Variants in SARS1 observed in about 807,000 individuals in gnomAD.
The protein encoded by SARS1 is serine--tRNA ligase, cytoplasmic.
A neutral mutation model predicts 63.7 loss-of-function variants in SARS1; 25 were observed. The ratio of observed to expected loss-of-function variants is 0.39; its 90% CI spans 0.29 to 0.55. The LOEUF (loss-of-function observed/expected upper bound fraction) is 0.55, where lower values mean the gene tolerates loss of function less well. Ranked by LOEUF, SARS1 falls within the 20% of genes least tolerant of loss-of-function variation. SARS1 has a pLI of 0.62. For missense variants in SARS1, 417 were observed against 649.7 expected, an observed-to-expected ratio of 0.64 and a Z score of 3.89; for synonymous variants, 231 against 243.5, an observed-to-expected ratio of 0.95 and a Z score of 0.48.
At chr1:109,228,252 T>G in intron 2 of SARS1, 100 bp from the exon 3 acceptor site, 1 of 876,284 alleles carries the variant, frequency 1.1e-6, no homozygotes, top group Non-Finnish European at 1.7e-6. Flanking sequence ...AGAAGTTCTG[T>G]GATTCATTTA....
chr1:109,224,515 T>C (rs1008362779), intron 2 of SARS1, among the ~76,000 whole-genome samples: 9 of 152,192 alleles, frequency 5.9e-5, no homozygotes, highest in African/African-American at 7.2e-5. Context: ...CAGAATGGAA[T>C]TGTTAGAACT....
intron 3 of SARS1, 36 bp downstream of exon 3, chr1:109,228,468 C>A: frequency 7.0e-7 from 1 of 1,425,076 alleles, no homozygotes; most frequent in Non-Finnish European, 9.9e-7. Context: ...AGGATCTCTG[C>A]TATTTTGTCT....
In SARS1 at chr1:109,231,611, CTG is replaced by C; in HGVS notation, c.592-16_592-15del. 1.4e-6 allele frequency: 2 copies of C among 1,469,770 alleles called. No individual in the cohort carries two copies. The highest frequency in any genetic ancestry group is 9.0e-7 in the Non-Finnish European group (1 of 1,110,734). 91.0% of individuals were successfully genotyped at this position (1,469,770 alleles called of 1,614,324 possible). ...GGTGACAAGACCCAATCACATAGTA[CTG>C]TGTCTCTGCTCCTCTAGGGGGTCCT... On this transcript the variant is annotated intron_variant, in intron 5 of 10. Coordinates refer to ENST00000234677, the MANE Select transcript of SARS1 (RefSeq NM_006513.4).
At position 109,236,052 on chromosome 1, in the gene SARS1, G is replaced by A; in HGVS notation, c.1045G>A (p.Glu349Lys). The A allele has an allele frequency of 1.2e-6, 2 of 1,614,078 alleles. No individual in the cohort carries two copies. Among genetic ancestry groups the A allele is most frequent in the South Asian group, 1.1e-5 (1 of 91,076 alleles). Residue 349 changes from glutamate to lysine, a missense_variant, in exon 8 of 11, where the codon GAG (glutamate) becomes AAG (lysine). By Grantham distance (56) the Glu-to-Lys change is moderately conservative. Transcript: ENST00000234677. Reference sequence around the variant, plus strand: ...GTTTGAAGAGATGATTACCACCGCAGAGGAGTTCTACCAGTCCCTGGGGAT... The same window carrying A: ...GTTTGAAGAGATGATTACCACCGCAAAGGAGTTCTACCAGTCCCTGGGGAT... ...EMFEEMITTA[E>K]EFYQSLGIPY...
At position 109,236,436 on chromosome 1, in the gene SARS1, G is replaced by A; in HGVS notation, c.1145G>A (p.Trp382Ter). 6.2e-7 allele frequency: 1 copy of A among 1,600,416 alleles called. No individual in the cohort carries two copies. Among genetic ancestry groups the A allele is most frequent in the Non-Finnish European group, 8.6e-7 (1 of 1,168,378 alleles). Residue 382 changes from tryptophan to a stop codon, truncating the protein, a stop_gained, in exon 9 of 11, where the codon TGG (tryptophan) becomes TAG (stop). Transcript: ENST00000234677. LOFTEE classifies it high-confidence loss of function. ...AGTAAGAAGCTTGACCTGGAGGCCT[G>A]GTTTCCGGGCTCAGGAGCCTTCCGT... is the stretch of plus-strand genomic sequence containing the variant. The part of the protein sequence containing the change: ...AASKKLDLEA[W>*]FPGSGAFREL...
At chr1:109,226,063 G>A (rs1557716654) in intron 2 of SARS1, among the ~76,000 whole-genome samples, 1 of 151,800 alleles carries the variant, frequency 6.6e-6, no homozygotes, top group Non-Finnish European at 1.5e-5. Flanking sequence ...CACAATCATG[G>A]CTCACTGCAG....
chr1:109,224,457 C>T (rs1328351988), intron 2 of SARS1, among the ~76,000 whole-genome samples: 1 of 152,178 alleles, frequency 6.6e-6, no homozygotes, highest in Non-Finnish European at 1.5e-5. Flanking sequence ...GTTAATGCCT[C>T]AGCCTCAGTT....
chr1:109,235,496 T>G lies in SARS1; in HGVS notation c.969+65T>G. The G allele has an allele frequency of 2.3e-6, 3 of 1,329,900 alleles. No homozygotes were observed. The South Asian group carries it at 3.7e-5, about 17-fold the overall frequency. The allele number at this position is 1,329,900 out of a possible 1,614,324, so 82.4% of individuals were successfully genotyped here. A position where few individuals can be genotyped will look rare whatever the true frequency, so the allele number is the denominator to read the frequency against. Reference sequence around the variant, plus strand: ...GTCTCCAGAATGGTTAGATGAGAGATAGGATCTGTGTTGCTGAGGCCCATC... The same window carrying G: ...GTCTCCAGAATGGTTAGATGAGAGAGAGGATCTGTGTTGCTGAGGCCCATC... On this transcript the variant is annotated intron_variant, in intron 7 of 10. Coordinates refer to ENST00000234677, the MANE Select transcript of SARS1 (RefSeq NM_006513.4). The surrounding 1 kb of genome is among the most constrained non-coding windows in gnomAD (Gnocchi z 4.7).
chr1:109,228,700 T>C (rs1655143259), intron 3 of SARS1, among the ~76,000 whole-genome samples: 1 of 152,220 alleles, frequency 6.6e-6, no homozygotes, highest in Non-Finnish European at 1.5e-5. Flanking sequence ...TTTATATAAC[T>C]CCATATTCTA....
chr1:109,215,967 G>A, intron 1 of SARS1: 3 of 903,362 alleles, frequency 3.3e-6, no homozygotes, highest in Non-Finnish European at 4.0e-6. Flanking sequence ...GCCTCCCAAA[G>A]TGCTGGGATT....
intron 1 of SARS1, chr1:109,215,798 C>T (rs936077728): frequency 7.1e-5 from 29 of 410,438 alleles, no homozygotes; most frequent in Middle Eastern, 1.2e-3. Flanking sequence ...CTCCATCTCC[C>T]GGTTTCAAGA....
At chr1:109,216,022 C>A in intron 1 of SARS1, 1 of 984,800 alleles carries the variant, frequency 1.0e-6, no homozygotes, top group Non-Finnish European at 1.2e-6. Context: ...ATTTCCAATG[C>A]ATCTATTAAT....
Position 109,237,781 on chromosome 1 carries a change from C to T in SARS1, c.1438C>T (p.Pro480Ser), listed in dbSNP as rs1655345987. 1 of 1,614,052 alleles carries T rather than the reference C, an allele frequency of 6.2e-7. No individual in the cohort carries two copies. The highest frequency in any genetic ancestry group is 8.5e-7 in the Non-Finnish European group (1 of 1,180,012). The change falls in exon 11 of 11, where the codon CCA (proline) becomes TCA (serine). Residue 480 changes from proline (P) to serine (S), a missense_variant. By Grantham distance (74) the Pro-to-Ser change is moderately conservative (BLOSUM62 -1). Around this residue, in one of 3 missense-constraint regions of SARS1, gnomAD observed 43 missense variants for 68.1 expected, o/e 0.63. Transcript: ENST00000234677. This position sits in a 1 kb window ranked among gnomAD's most constrained non-coding sequence, Gnocchi z 4.1. ...FVKPAPIEQE[P>S]SKKQKKQHEG... ...GAAGCCTGCGCCCATTGAGCAGGAGCCATCAAAGAAGCAGAAGAAGCAACA... is the reference window on the plus strand; with the variant it reads ...GAAGCCTGCGCCCATTGAGCAGGAGTCATCAAAGAAGCAGAAGAAGCAACA...
At position 109,235,098 on chromosome 1, in the gene SARS1, G is replaced by T; in HGVS notation, c.748-112G>T. The T allele has an allele frequency of 1.2e-6, 1 of 830,270 alleles. No homozygotes were observed. Among genetic ancestry groups the T allele is most frequent in the Non-Finnish European group, 2.0e-6 (1 of 493,696 alleles). The allele number at this position is 830,270 out of a possible 1,614,324, so 51.4% of individuals were successfully genotyped here. On this transcript the variant is annotated intron_variant, in intron 6 of 10. Transcript: ENST00000234677. The surrounding 1 kb of genome is among the most constrained non-coding windows in gnomAD (Gnocchi z 4.7). ...GTATTCTCTCCCCACTCCCAGGCAG[G>T]GATTAAAGGAAATTTTTCCTGCACT...
chr1:109,225,704 T>C (rs946994460), intron 2 of SARS1, among the ~76,000 whole-genome samples: 1 of 152,318 alleles, frequency 6.6e-6, no homozygotes, highest in Non-Finnish European at 1.5e-5. Flanking sequence ...GGAGTGCAGA[T>C]AGTACATTTG....
At position 109,236,517 on chromosome 1, in the gene SARS1, G is replaced by A. The variant is rs1655314960; in HGVS notation, c.1226G>A (p.Arg409Gln). 2 of 1,606,114 alleles carry A rather than the reference G, an allele frequency of 1.2e-6. No individual in the cohort carries two copies. The highest frequency in any genetic ancestry group is 1.7e-5 in the Admixed American group (1 of 59,874). Residue 409 changes from arginine (R) to glutamine (Q), a missense_variant, in exon 9 of 11, where the codon CGA (arginine) becomes CAA (glutamine). By Grantham distance (43) the Arg-to-Gln change is conservative (BLOSUM62 1). Around this residue, in one of 3 missense-constraint regions of SARS1, gnomAD observed 359 missense variants for 529.6 expected, o/e 0.68. Transcript: ENST00000234677. Reference protein sequence around the residue: ...TDYQARRLRIRYGQTKKMMDK... With the variant: ...TDYQARRLRIQYGQTKKMMDK... Reference sequence around the variant, plus strand: ...TACCAGGCTCGCCGGCTTCGAATCCGATATGGGCAAACCAAGAAGATGATG... The same window carrying A: ...TACCAGGCTCGCCGGCTTCGAATCCAATATGGGCAAACCAAGAAGATGATG...
chr1:109,219,617 A>G (rs1166078931), intron 1 of SARS1, among the ~76,000 whole-genome samples: 1 of 150,858 alleles, frequency 6.6e-6, no homozygotes, highest in Admixed American at 6.6e-5. Context: ...GGCTCACACC[A>G]TTCTCCTGCC....
chr1:109,231,624 C>G lies in SARS1; in HGVS notation c.592-7C>G, dbSNP rs1655212975. ...AATCACATAGTACTGTGTCTCTGCT[C>G]CTCTAGGGGGTCCTGGTGTTCCTGG... On this transcript the variant is annotated splice_polypyrimidine_tract_variant and splice_region_variant and intron_variant, in intron 5 of 10. Transcript: ENST00000234677. 1 of 1,511,326 alleles carries G rather than the reference C, an allele frequency of 6.6e-7. No homozygotes were observed. The allele number at this position is 1,511,326 out of a possible 1,614,324, so 93.6% of individuals were successfully genotyped here. A position where few individuals can be genotyped will look rare whatever the true frequency, so the allele number is the denominator to read the frequency against.
At chr1:109,230,433 G>GT (rs1485549870) in intron 4 of SARS1, among the ~76,000 whole-genome samples, 1 of 152,140 alleles carries the variant, frequency 6.6e-6, no homozygotes, top group Non-Finnish European at 1.5e-5. Flanking sequence ...ACACAGTAGT[G>GT]TTTGAGTTAA....
Sources: gnomAD v4.1 joint callset for allele counts (sites outside exome capture counted in the v4.1 genomes callset) on GRCh38, gnomAD v4.1.1 for gene constraint, gnomAD v4.1.1 regional missense constraint, Gnocchi (gnomAD v3.1) non-coding constraint, MANE v1.5 for transcripts, NCBI Gene and HGNC (gene_info 2026-07-23, HGNC 2026-07-21) for gene names.